Variants in LARGE1 observed in about 807,000 individuals in gnomAD.
LARGE1 encodes LARGE xylosyl- and glucuronyltransferase 1, also known as xylosyl- and glucuronyltransferase LARGE1.
LARGE1 carries 43 observed loss-of-function variants against 87.6 expected under a neutral mutation model. That is an observed-to-expected ratio of 0.49 (90% CI 0.38 to 0.63). The LOEUF (loss-of-function observed/expected upper bound fraction) is 0.63. Among genes scored for constraint, LARGE1 ranks in the 30% least tolerant of loss-of-function variants. The pLI is 0.00. For synonymous variants in LARGE1, 434 were observed against 394.6 expected (o/e 1.10, Z -1.18); for missense variants, 802 against 1,000.2 (o/e 0.80, Z 2.67).
At chr22:33,900,371 G>T (rs1448217559) in intron 1 of LARGE1, among the ~76,000 whole-genome samples, 1 of 152,148 alleles carries the variant, frequency 6.6e-6, no homozygotes, top group East Asian at 1.9e-4. Flanking sequence ...ACTTACAATT[G>T]AAAATTCTCA....
intron 6 of LARGE1, among the ~76,000 whole-genome samples, chr22:33,498,581 T>C (rs536330176): frequency 6.6e-6 from 1 of 152,340 alleles, no homozygotes; most frequent in East Asian, 1.9e-4. Context: ...CTTTCAGAGC[T>C]GATTTAATTT....
In LARGE1 at chr22:33,438,933, G is replaced by A. The variant is rs562595781; in HGVS notation, c.788-6668C>T. ...GATCAGATTAAGATGATACAAGGCC[G>A]GGCGCGGTGGCTCACACCTGTAATC... On this transcript the variant is annotated intron_variant, in intron 6 of 14. Transcript: ENST00000397394. Among the ~76,000 whole-genome samples, 13 of 152,206 alleles carry A rather than the reference G, an allele frequency of 8.5e-5. No homozygotes were observed. In the South Asian group the frequency reaches 1.9e-3, roughly 22 times the overall value.
intron 6 of LARGE1, among the ~76,000 whole-genome samples, chr22:33,433,726 T>A (rs943356171): frequency 3.9e-5 from 6 of 152,106 alleles, no homozygotes; most frequent in Admixed American, 3.9e-4. Context: ...CCTTTTGAAT[T>A]TACACTCTTG....
At chr22:33,537,379 C>T (rs2077072019) in intron 6 of LARGE1, among the ~76,000 whole-genome samples, 1 of 152,160 alleles carries the variant, frequency 6.6e-6, no homozygotes, top group South Asian at 2.1e-4. Flanking sequence ...CTTCCAAGTA[C>T]ATCACTCCAA....
chr22:33,856,385 A>ATT, intron 1 of LARGE1, among the ~76,000 whole-genome samples: 1 of 152,154 alleles, frequency 6.6e-6, no homozygotes, highest in Non-Finnish European at 1.5e-5. Context: ...TGAGGTCCAT[A>ATT]CGAAGAGGCT....
intron 11 of LARGE1, among the ~76,000 whole-genome samples, chr22:33,189,560 C>T (rs1486989940): frequency 6.6e-6 from 1 of 152,184 alleles, no homozygotes; most frequent in Non-Finnish European, 1.5e-5. Flanking sequence ...ATGACCTCTA[C>T]TTCCCTAACT....
At chr22:33,585,950 C>G (rs1247699585) in intron 5 of LARGE1, among the ~76,000 whole-genome samples, 1 of 152,216 alleles carries the variant, frequency 6.6e-6, no homozygotes, top group Non-Finnish European at 1.5e-5. Flanking sequence ...CCACCTGCCT[C>G]GGCCTCCCGA....
At chr22:33,593,030 G>A (rs571014027) in intron 5 of LARGE1, among the ~76,000 whole-genome samples, 2 of 152,252 alleles carry the variant, frequency 1.3e-5, no homozygotes, top group South Asian at 4.1e-4. Context: ...TAGTAGAGAC[G>A]GGGTTTCACC....
chr22:33,518,385 C>T lies in LARGE1; in HGVS notation c.787+46463G>A, dbSNP rs191342190. 4.9e-4 allele frequency among the ~76,000 whole-genome samples: 74 copies of T among 152,378 alleles called. 1 individual carries two copies. Among genetic ancestry groups the T allele is most frequent in the Middle Eastern group, 3.4e-3 (1 of 294 alleles). Reference sequence around the variant, plus strand: ...CTAGGCTGGAGTGCAGTGACACCATCTCAGCTCACTGCAACCTCCGCCTCC... The same window carrying T: ...CTAGGCTGGAGTGCAGTGACACCATTTCAGCTCACTGCAACCTCCGCCTCC... On this transcript the variant is annotated intron_variant, in intron 6 of 14. Transcript: ENST00000397394.
chr22:33,171,282 A>G (rs1466363898), intron 11 of LARGE1, among the ~76,000 whole-genome samples: 4 of 152,262 alleles, frequency 2.6e-5, no homozygotes, highest in Non-Finnish European at 4.4e-5. Context: ...GAAGTAGAGC[A>G]TAAAGGTTTG....
In LARGE1 at chr22:33,429,148, G is replaced by A. The variant is rs907187357; in HGVS notation, c.892+3013C>T. On this transcript the variant is annotated intron_variant, in intron 7 of 14. Coordinates refer to ENST00000397394, the MANE Select transcript of LARGE1 (RefSeq NM_133642.5). The stretch of plus-strand genomic sequence containing the variant: ...AGATGTGCTGGGATTTAGGGTGGCA[G>A]GTTCTCTCCAGGGTCGTCCTCAGTT... Among the ~76,000 whole-genome samples the A allele has an allele frequency of 2.0e-5, 3 of 152,178 alleles. No homozygotes were observed. The East Asian group carries it at 5.8e-4, about 30-fold the overall frequency.
At position 33,667,755 on chromosome 22, in the gene LARGE1, A is replaced by G. The variant is rs539628727; in HGVS notation, c.107-17087T>C. Among the ~76,000 whole-genome samples, 10 of 152,346 alleles carry G rather than the reference A, an allele frequency of 6.6e-5. No individual in the cohort carries two copies. The South Asian group carries it at 2.1e-3, about 32-fold the overall frequency. Reference sequence around the variant, plus strand: ...AGCACCATTAAGGCATGTATAAACTAGGAACACTTTAGTTTATCACATACA... The same window carrying G: ...AGCACCATTAAGGCATGTATAAACTGGGAACACTTTAGTTTATCACATACA... On this transcript the variant is annotated intron_variant, in intron 2 of 14. Coordinates refer to ENST00000397394, the MANE Select transcript of LARGE1 (RefSeq NM_133642.5).
At chr22:33,191,405 G>T (rs1339199821) in intron 11 of LARGE1, among the ~76,000 whole-genome samples, 1 of 152,194 alleles carries the variant, frequency 6.6e-6, no homozygotes, top group Admixed American at 6.5e-5. Context: ...CTGGAGCGGT[G>T]CGCCCAGGAA....
At chr22:33,737,483 G>A (rs963306298) in intron 2 of LARGE1, 1 of 152,108 alleles carries the variant, frequency 6.6e-6, no homozygotes, top group Non-Finnish European at 1.5e-5. Context: ...TACACACCTG[G>A]CTCTATTTTT....
chr22:33,897,995 T>C (rs1171259896), intron 1 of LARGE1, among the ~76,000 whole-genome samples: 1 of 152,160 alleles, frequency 6.6e-6, no homozygotes, highest in African/African-American at 2.4e-5. Context: ...CATTCAATGA[T>C]TGTAGCAATG....
chr22:33,072,103 C>T, the LARGE1 span, among the ~76,000 whole-genome samples: 2 of 152,176 alleles, frequency 1.3e-5, no homozygotes, highest in African/African-American at 2.4e-5. Context: ...CCTCCCCATG[C>T]AGAACGTACT....
chr22:33,837,446 T>C lies in LARGE1; in HGVS notation c.-82-75888A>G, dbSNP rs181749033. 6.0e-3 allele frequency among the ~76,000 whole-genome samples: 921 copies of C among 152,262 alleles called. 7 individuals are homozygous for C. The highest frequency in any genetic ancestry group is 0.019 in the African/African-American group (805 of 41,544). On this transcript the variant is annotated intron_variant, in intron 1 of 14. Transcript: ENST00000397394. The stretch of plus-strand genomic sequence containing the variant: ...AATTTTTTAACAACAAACACTTTCA[T>C]GCATGCCCTAACATCTTCAAGAAAG...
intron 1 of LARGE1, among the ~76,000 whole-genome samples, chr22:33,794,452 G>A (rs1038846629): frequency 1.3e-5 from 2 of 152,184 alleles, no homozygotes; most frequent in African/African-American, 2.4e-5. Flanking sequence ...AATACCAGAA[G>A]CCAGGCAACT....
chr22:33,682,399 T>C (rs1360872594), intron 2 of LARGE1, among the ~76,000 whole-genome samples: 1 of 152,178 alleles, frequency 6.6e-6, no homozygotes, highest in East Asian at 1.9e-4. Context: ...CCCTTCCCAC[T>C]TCTTCTCCTG....
Sources: gnomAD v4.1 joint callset for allele counts (sites outside exome capture counted in the v4.1 genomes callset) on GRCh38, gnomAD v4.1.1 for gene constraint, MANE v1.5 for transcripts, NCBI Gene and HGNC (gene_info 2026-07-23, HGNC 2026-07-21) for gene names.